The following POLR1A variants were observed in gnomAD, a reference collection of about 807,000 sequenced individuals.
POLR1A encodes RNA polymerase I subunit A.
Under a neutral mutation model 205.3 loss-of-function variants are expected in POLR1A, and 84 were observed. The ratio of observed to expected loss-of-function variants is 0.41; its 90% CI spans 0.34 to 0.49. The LOEUF is 0.49. POLR1A is among the 20% of genes least tolerant of loss of function. The probability of loss-of-function intolerance (pLI) is 0.22; values close to 1 mark genes in which losing one functional copy is unlikely to be tolerated. For synonymous variants in POLR1A, 799 were observed against 863.7 expected (o/e 0.93, Z 1.31); for missense variants, 1,645 against 2,204.5 (o/e 0.75, Z 5.08).
intron 14 of POLR1A, among the ~76,000 whole-genome samples, chr2:86,057,494 T>C (rs1338380334): frequency 6.6e-6 from 1 of 152,184 alleles, no homozygotes; most frequent in African/African-American, 2.4e-5. Context: ...CACACGTTCA[T>C]ACAAAAACTG....
chr2:86,045,497 C>T, intron 20 of POLR1A, 120 bp downstream of exon 20: 1 of 1,304,536 alleles, frequency 7.7e-7, no homozygotes, highest in Middle Eastern at 2.1e-4. Flanking sequence ...GACTTTTTGA[C>T]CTCGACAGCT....
rs1673849707 is a variant in POLR1A, at chr2:86,102,950, C to CA, written c.77+2749dup. Among the ~76,000 whole-genome samples, 3 of 152,344 alleles carry CA rather than the reference C, an allele frequency of 2.0e-5. No individual in the cohort carries two copies. In the East Asian group the frequency reaches 5.8e-4, roughly 29 times the overall value. Reference sequence around the variant, plus strand: ...GTCGTTAAGGACTGAAAGTGCCAAGCACTGAGCAGCTAGCTCCTCTATCCA... The same window carrying CA: ...GTCGTTAAGGACTGAAAGTGCCAAGCAACTGAGCAGCTAGCTCCTCTATCCA... On this transcript the variant is annotated intron_variant, in intron 1 of 33. Transcript: ENST00000263857.
At chr2:86,090,406 A>G (rs959685507) in intron 3 of POLR1A, among the ~76,000 whole-genome samples, 21 of 150,874 alleles carry the variant, frequency 1.4e-4, no homozygotes, top group African/African-American at 4.7e-4. Context: ...AAAAAAAAAA[A>G]AATCAAATGA....
At chr2:86,043,424 G>C (rs762951465) in intron 22 of POLR1A, among the ~76,000 whole-genome samples, 5 of 152,090 alleles carry the variant, frequency 3.3e-5, no homozygotes, top group Non-Finnish European at 7.4e-5. Context: ...TGGGAGCAGA[G>C]GGAGACACAG....
At chr2:86,029,482 A>G (rs1304908898) in intron 31 of POLR1A, among the ~76,000 whole-genome samples, 1 of 152,116 alleles carries the variant, frequency 6.6e-6, no homozygotes, top group African/African-American at 2.4e-5. Flanking sequence ...TGGGACAGGA[A>G]TGCCAGGGCA....
rs924095773 is a variant in POLR1A, at chr2:86,079,759, C to T, written c.1086+1057G>A. Among the ~76,000 whole-genome samples the T allele has an allele frequency of 4.6e-5, 7 of 152,026 alleles. No homozygotes were observed. In the South Asian group the frequency reaches 1.2e-3, roughly 27 times the overall value. On this transcript the variant is annotated intron_variant, in intron 9 of 33. Transcript: ENST00000263857. ...TGTATTTTTGGTAGAGACAGGGTTTCGCCATGTTGCCCACCTGGTCTAAAA... is the reference window on the plus strand; with the variant it reads ...TGTATTTTTGGTAGAGACAGGGTTTTGCCATGTTGCCCACCTGGTCTAAAA...
chr2:86,097,939 A>G (rs1673737028), intron 3 of POLR1A, among the ~76,000 whole-genome samples: 1 of 152,242 alleles, frequency 6.6e-6, no homozygotes, highest in East Asian at 1.9e-4. Context: ...CTGATATGCT[A>G]ATTATCCTGA....
intron 24 of POLR1A, among the ~76,000 whole-genome samples, chr2:86,041,196 C>G (rs1672597528): frequency 8.5e-6 from 1 of 117,194 alleles, no homozygotes; most frequent in Non-Finnish European, 1.7e-5. Context: ...TGTGTGCGCG[C>G]TGAGCTACAG....
chr2:86,046,447 G>T (rs1672711389), intron 19 of POLR1A, among the ~76,000 whole-genome samples: 1 of 152,092 alleles, frequency 6.6e-6, no homozygotes, highest in South Asian at 2.1e-4. Context: ...CCTTTCTGTT[G>T]TCACACTCAA....
intron 16 of POLR1A, among the ~76,000 whole-genome samples, chr2:86,052,091 C>T (rs1435635065): frequency 6.6e-6 from 1 of 152,190 alleles, no homozygotes; most frequent in African/African-American, 2.4e-5. Context: ...ATTACAGGTG[C>T]TTGCCACGAC....
chr2:86,105,773 A>C lies in POLR1A; in HGVS notation c.4T>G (p.Leu2Val), dbSNP rs749956655. 2 of 1,613,472 alleles carry C rather than the reference A, an allele frequency of 1.2e-6. No homozygotes were observed. Among genetic ancestry groups the C allele is most frequent in the African/African-American group, 2.7e-5 (2 of 74,914 alleles). Residue 2 changes from leucine (L) to valine (V), a missense_variant, in exon 1 of 34, where the codon TTG (leucine) becomes GTG (valine). By Grantham distance (32) the Leu-to-Val change is conservative. Coordinates refer to ENST00000263857, the MANE Select transcript of POLR1A (RefSeq NM_015425.6). ...CGCCAGGGCATGTTCTTGGAGATCA[A>C]CATCCTCCAGGTCCGTTTTGAATTC... M[L>V]ISKNMPWRRL...
Position 86,038,761 on chromosome 2 carries a change from C to T in POLR1A, c.3973G>A (p.Ala1325Thr). ...AGGCACTTCTCCTGCTGGTAATATG[C>T]ATGTGGCAGGAACTGAAACCGCAGC... is the stretch of plus-strand genomic sequence containing the variant. ...YQLRFQFLPHAYYQQEKCLRP... is the reference protein window; with the variant it reads ...YQLRFQFLPHTYYQQEKCLRP... Residue 1325 changes from alanine to threonine, a missense_variant, in exon 27 of 34, where the codon GCA becomes ACA. Physicochemically the swap from Ala to Thr is moderately conservative, Grantham distance 58. Around this residue, in one of 16 missense-constraint regions of POLR1A, gnomAD observed 394 missense variants for 468.5 expected, o/e 0.84. Coordinates refer to ENST00000263857, the MANE Select transcript of POLR1A (RefSeq NM_015425.6). The T allele has an allele frequency of 1.2e-6, 2 of 1,613,756 alleles. No homozygotes were observed. The highest frequency in any genetic ancestry group is 1.7e-6 in the Non-Finnish European group (2 of 1,179,692).
Position 86,078,771 on chromosome 2 carries a change from G to T in POLR1A, c.1087-487C>A, listed in dbSNP as rs150333717. ...TTAAAAGGAACTAGGTTTGCCATAC[G>T]ATATTCTATGTCATCAACTAAGATG... On this transcript the variant is annotated intron_variant, in intron 9 of 33. Transcript: ENST00000263857. 2.0e-5 allele frequency among the ~76,000 whole-genome samples: 3 copies of T among 152,312 alleles called. No individual in the cohort carries two copies. The East Asian group carries it at 5.8e-4, about 29-fold the overall frequency.
rs550536447 is a variant in POLR1A at position 86,090,142 on chromosome 2, C to A, written c.433-213G>T. 2.0e-5 allele frequency among the ~76,000 whole-genome samples: 3 copies of A among 152,128 alleles called. No homozygotes were observed. The South Asian group carries it at 6.2e-4, about 32-fold the overall frequency. ...GGCGTGGTGGCTCACACCTGTAATC[C>A]CAGCACTTTGGGAGGCAGAGGCAGG... On this transcript the variant is annotated intron_variant, in intron 3 of 33. Transcript: ENST00000263857.
chr2:86,075,212 CA>C lies in POLR1A; in HGVS notation c.1428del (p.Asn476LysfsTer32). 1 of 1,612,354 alleles carries C rather than the reference CA, an allele frequency of 6.2e-7. No individual in the cohort carries two copies. The highest frequency in any genetic ancestry group is 8.5e-7 in the Non-Finnish European group (1 of 1,179,146). On this transcript the variant is annotated frameshift_variant, in exon 12 of 34. Coordinates refer to ENST00000263857, the MANE Select transcript of POLR1A (RefSeq NM_015425.6). LOFTEE classifies it high-confidence loss of function. ...ATGACCGCTTGCCTAAGTTCCTGAA[CA>C]TTCCATGGGGTAACTGGCTGTGGGT... Reference protein sequence around the residue: ...LTYPQPVTPWNVQELRQAVIN... With the variant: ...LTYPQPVTPWXVQELRQAVIN...
chr2:86,051,809 C>G (rs1419467688), intron 16 of POLR1A, among the ~76,000 whole-genome samples: 2 of 152,258 alleles, frequency 1.3e-5, no homozygotes, highest in Non-Finnish European at 2.9e-5. Flanking sequence ...CAAGGTGAAG[C>G]CTCTTTATCA....
At chr2:86,080,664 T>C in intron 9 of POLR1A, 152 bp downstream of exon 9, 1 of 639,620 alleles carries the variant, frequency 1.6e-6, no homozygotes, top group African/African-American at 1.8e-5. Flanking sequence ...TGTTCCTAGG[T>C]GCCCCCTAAG....
chr2:86,097,214 CAAAAAAAAAAAA>C (rs757210116), intron 3 of POLR1A, among the ~76,000 whole-genome samples: 544 of 39,732 alleles, frequency 0.014, 8 homozygotes, highest in African/African-American at 0.035. Context: ...CCCCAAAAGA[CAAAAAAAAAAAA>C]AAAAAAAAAA....
At chr2:86,045,818 A>T in intron 19 of POLR1A, 49 bp from the exon 20 acceptor site, 1 of 1,528,346 alleles carries the variant, frequency 6.5e-7, no homozygotes, top group Non-Finnish European at 8.9e-7. Context: ...ATGTGTGTTT[A>T]ACAGTGCTTT....
Sources: gnomAD v4.1 joint callset for allele counts (sites outside exome capture counted in the v4.1 genomes callset) on GRCh38, gnomAD v4.1.1 for gene constraint, gnomAD v4.1.1 regional missense constraint, MANE v1.5 for transcripts, NCBI Gene and HGNC (gene_info 2026-07-23, HGNC 2026-07-21) for gene names.